Variants in SGPL1 observed in about 807,000 individuals in gnomAD.
SGPL1 encodes the protein sphingosine-1-phosphate lyase 1.
Under a neutral mutation model 68.9 loss-of-function variants are expected in SGPL1, and 37 were observed. The observed-to-expected ratio is 0.54, with a 90% CI of 0.41 to 0.71. The LOEUF is 0.71. Among genes scored for constraint, SGPL1 ranks in the 30% least tolerant of loss-of-function variants. The pLI, the probability that SGPL1 is intolerant of heterozygous loss-of-function variation, is 0.00. For missense variants in SGPL1, 551 were observed against 704.6 expected (o/e 0.78, Z 2.47); for synonymous variants, 236 against 248.5 (o/e 0.95, Z 0.47).
chr10:70,855,513 T>G (rs1448472107), intron 5 of SGPL1, among the ~76,000 whole-genome samples: 2 of 152,278 alleles, frequency 1.3e-5, no homozygotes, highest in Non-Finnish European at 2.9e-5. Flanking sequence ...ACAGTTCCTG[T>G]ATCTCTACAA....
chr10:70,860,236 G>T (rs1846028296), intron 7 of SGPL1, among the ~76,000 whole-genome samples: 1 of 152,120 alleles, frequency 6.6e-6, no homozygotes, highest in Non-Finnish European at 1.5e-5. Flanking sequence ...GGTTATGTAG[G>T]ATAGATAGAT....
chr10:70,864,097 GT>G (rs1406160701), intron 7 of SGPL1, among the ~76,000 whole-genome samples: 1 of 151,978 alleles, frequency 6.6e-6, no homozygotes, highest in Non-Finnish European at 1.5e-5. Flanking sequence ...GTTTTATCAA[GT>G]TTTTTAGTTA....
intron 2 of SGPL1, among the ~76,000 whole-genome samples, chr10:70,825,279 T>A (rs1470114904): frequency 3.3e-5 from 5 of 152,142 alleles, no homozygotes; most frequent in African/African-American, 1.2e-4. Context: ...TGCTGTAGCC[T>A]CCCATTGGTC....
chr10:70,860,882 A>C (rs1846040533), intron 7 of SGPL1, among the ~76,000 whole-genome samples: 1 of 152,178 alleles, frequency 6.6e-6, no homozygotes, highest in South Asian at 2.1e-4. Context: ...TAAATTGTGG[A>C]ATGCTGTGTG....
intron 2 of SGPL1, among the ~76,000 whole-genome samples, chr10:70,826,471 A>G (rs1845440223): frequency 6.6e-6 from 1 of 152,244 alleles, no homozygotes; most frequent in Non-Finnish European, 1.5e-5. Flanking sequence ...GAGGAAACGG[A>G]AAAAGAAGGG....
intron 2 of SGPL1, among the ~76,000 whole-genome samples, chr10:70,819,627 C>CTTTTT (rs35734922): frequency 9.9e-5 from 12 of 120,892 alleles, no homozygotes; most frequent in African/African-American, 2.9e-4. Flanking sequence ...TGGGATGCAG[C>CTTTTT]TTTTTTTTTT....
intron 13 of SGPL1, 42 bp from the exon 14 acceptor site, chr10:70,876,499 T>A (rs1846388598): frequency 6.4e-7 from 1 of 1,563,396 alleles, no homozygotes; most frequent in African/African-American, 1.4e-5. Flanking sequence ...GAACATTTTT[T>A]CTTTCTTCAA....
At chr10:70,830,119 A>G (rs1243886330) in intron 2 of SGPL1, among the ~76,000 whole-genome samples, 1 of 152,182 alleles carries the variant, frequency 6.6e-6, no homozygotes, top group Non-Finnish European at 1.5e-5. Context: ...TTTTTATTAA[A>G]AGAAAGCCTG....
At chr10:70,847,402 AC>A (rs1431419886) in intron 3 of SGPL1, among the ~76,000 whole-genome samples, 1 of 151,858 alleles carries the variant, frequency 6.6e-6, no homozygotes, top group African/African-American at 2.4e-5. Context: ...GCCCACCTCA[AC>A]CTCCCAAAGT....
At chr10:70,868,490 T>C in intron 8 of SGPL1, 57 bp downstream of exon 8, 2 of 1,351,108 alleles carry the variant, frequency 1.5e-6, no homozygotes, top group Admixed American at 1.7e-5. Context: ...GAGTACAGCT[T>C]TATGAAACTA....
At chr10:70,830,739 A>AT (rs1845520765) in intron 2 of SGPL1, among the ~76,000 whole-genome samples, 3 of 152,214 alleles carry the variant, frequency 2.0e-5, no homozygotes, top group Admixed American at 6.5e-5. Flanking sequence ...CTTTGTAATT[A>AT]TATAAGATTT....
At position 70,869,887 on chromosome 10, in the gene SGPL1, T is replaced by C. The variant is rs1359864276; in HGVS notation, c.800T>C (p.Val267Ala). The C allele has an allele frequency of 7.4e-6, 12 of 1,613,494 alleles. No homozygotes were observed. The highest frequency in any genetic ancestry group is 1.0e-5 in the Non-Finnish European group (12 of 1,179,784). The stretch of plus-strand genomic sequence containing the variant: ...GTCCCATTGACGAAGATGATGGAGG[T>C]GGATGTGCGGGTGAGTCCCTCTGGA... ...VRVPLTKMMEVDVRAMRRAIS... is the reference protein window; with the variant it reads ...VRVPLTKMMEADVRAMRRAIS... Residue 267 changes from valine (V) to alanine (A), a missense_variant, in exon 9 of 15, where the codon GTG (valine) becomes GCG (alanine). By Grantham distance (64) the Val-to-Ala change is moderately conservative. Transcript: ENST00000373202.
At chr10:70,822,194 A>C (rs67461797) in intron 2 of SGPL1, among the ~76,000 whole-genome samples, 8,994 of 152,268 alleles carry the variant, frequency 0.059, 386 homozygotes, top group African/African-American at 0.12. Flanking sequence ...AAGAAAGGGA[A>C]AATTCATTGG....
chr10:70,861,197 T>TAAA (rs1001133559), intron 7 of SGPL1, among the ~76,000 whole-genome samples: 1 of 143,934 alleles, frequency 6.9e-6, no homozygotes, highest in Non-Finnish European at 1.5e-5. Context: ...CAAGACAGAT[T>TAAA]AAAAAAAAAA....
At chr10:70,874,657 A>T (rs528594957) in intron 12 of SGPL1, among the ~76,000 whole-genome samples, 6 of 152,198 alleles carry the variant, frequency 3.9e-5, no homozygotes, top group Admixed American at 1.3e-4. Flanking sequence ...CGGGAGGCAG[A>T]GGTTGCGGTG....
intron 11 of SGPL1, among the ~76,000 whole-genome samples, chr10:70,873,002 G>C (rs760987186): frequency 5.3e-5 from 8 of 152,110 alleles, no homozygotes; most frequent in South Asian, 2.1e-4. Flanking sequence ...TCCTTTCCTG[G>C]CTTCCATTGC....
At chr10:70,863,403 T>C (rs1023584400) in intron 7 of SGPL1, among the ~76,000 whole-genome samples, 7 of 152,032 alleles carry the variant, frequency 4.6e-5, no homozygotes, top group Non-Finnish European at 7.4e-5. Flanking sequence ...ATTCTGTGTC[T>C]GATAATTCCA....
chr10:70,846,857 T>G (rs1319064198), intron 3 of SGPL1, among the ~76,000 whole-genome samples: 1 of 152,210 alleles, frequency 6.6e-6, no homozygotes, highest in African/African-American at 2.4e-5. Flanking sequence ...ATGGGTAAAT[T>G]GAGCTAATTA....
At chr10:70,845,713 C>G (rs1408383556) in intron 3 of SGPL1, among the ~76,000 whole-genome samples, 1 of 150,696 alleles carries the variant, frequency 6.6e-6, no homozygotes, top group Non-Finnish European at 1.5e-5. Context: ...GTTGTTAGTA[C>G]CTAAACACAA....
Sources: gnomAD v4.1 joint callset for allele counts (sites outside exome capture counted in the v4.1 genomes callset) on GRCh38, gnomAD v4.1.1 for gene constraint, MANE v1.5 for transcripts, NCBI Gene and HGNC (gene_info 2026-07-23, HGNC 2026-07-21) for gene names.